The following UQCRB variants were observed in gnomAD, a reference collection of about 807,000 sequenced individuals.
UQCRB encodes the protein cytochrome b-c1 complex subunit 7.
A neutral mutation model predicts 19.8 loss-of-function variants in UQCRB; 12 were observed. That is an observed-to-expected ratio of 0.61 (90% CI 0.39 to 0.98). The LOEUF (loss-of-function observed/expected upper bound fraction) is 0.98. Ranked by LOEUF, UQCRB falls within the 50% of genes least tolerant of loss-of-function variation. UQCRB has a pLI of 0.00. For synonymous variants in UQCRB, 39 were observed against 42.9 expected, an observed-to-expected ratio of 0.91 and a Z score of 0.35; for missense variants, 142 against 131.8, an observed-to-expected ratio of 1.08 and a Z score of -0.38.
rs530094010 is a variant in UQCRB at position 96,226,357 on chromosome 8, G to A, written c.*4698C>T. The stretch of plus-strand genomic sequence containing the variant: ...TATTAGTTCATCCCAACAATAAAGA[G>A]CGTAAGTTAAATCACAGACCCAGAA... On this transcript the variant is annotated 3_prime_UTR_variant, in exon 4 of 4. Coordinates refer to ENST00000287022, the MANE Select transcript of UQCRB (RefSeq NM_006294.5). 3.2e-4 allele frequency: 53 copies of A among 163,708 alleles called. No homozygotes were observed. The highest frequency in any genetic ancestry group is 5.4e-4 in the Non-Finnish European group (41 of 75,916). 10.1% of individuals were successfully genotyped at this position (163,708 alleles called of 1,614,324 possible).
chr8:96,234,356 A>G, intron 1 of UQCRB: 1 of 443,460 alleles, frequency 2.3e-6, no homozygotes, highest in South Asian at 1.8e-5. Flanking sequence ...ACACTTTCCT[A>G]TTTGCTTTAC....
At position 96,229,382 on chromosome 8, in the gene UQCRB, C is replaced by A; in HGVS notation, c.*1673G>T. 2.2e-6 allele frequency: 1 copy of A among 454,056 alleles called. No individual in the cohort carries two copies. The allele number at this position is 454,056 out of a possible 1,614,324, so 28.1% of individuals were successfully genotyped here. On this transcript the variant is annotated 3_prime_UTR_variant, in exon 4 of 4. Transcript: ENST00000287022. ...ATAAGCATGGTTTCTAGGGTCAGAG[C>A]CCAGCCTCCCTCCACCCACCCGGCT...
rs1447317343 is a variant in UQCRB, at chr8:96,228,054, C to T, written c.*3001G>A. ...GGGTCTGAAGGCCCGACATCCCTTA[C>T]GCTGCTTCCTACATCTTGACAACAG... On this transcript the variant is annotated 3_prime_UTR_variant, in exon 4 of 4. Transcript: ENST00000287022. 3.3e-5 allele frequency: 15 copies of T among 453,982 alleles called. No individual in the cohort carries two copies. Among genetic ancestry groups the T allele is most frequent in the Non-Finnish European group, 5.3e-5 (12 of 226,792 alleles). 28.1% of individuals were successfully genotyped at this position (453,982 alleles called of 1,614,324 possible). A position where few individuals can be genotyped will look rare whatever the true frequency, so the allele number is the denominator to read the frequency against.
At position 96,230,661 on chromosome 8, in the gene UQCRB, A is replaced by G. The variant is rs144200076; in HGVS notation, c.*394T>C. 1,983 of 462,492 alleles carry G rather than the reference A, an allele frequency of 4.3e-3. 38 individuals are homozygous for G. The highest frequency in any genetic ancestry group is 0.036 in the African/African-American group (1,824 of 50,500). 28.6% of individuals were successfully genotyped at this position (462,492 alleles called of 1,614,324 possible). ...GATGCAAAATCAAATCTGTTTGCAT[A>G]CCAGTGAAGAGGCTATTTCTCAATC... On this transcript the variant is annotated 3_prime_UTR_variant, in exon 4 of 4. Transcript: ENST00000287022.
chr8:96,234,491 C>T (rs1283326357), intron 1 of UQCRB: 1 of 1,288,948 alleles, frequency 7.8e-7, no homozygotes, highest in East Asian at 5.5e-5. Context: ...AGTTCCCAAA[C>T]ACGCACAGAA....
chr8:96,232,086 A>C (rs1374734190), intron 2 of UQCRB, 146 bp from the exon 3 acceptor site: 2 of 757,090 alleles, frequency 2.6e-6, no homozygotes, highest in Admixed American at 4.7e-5. Flanking sequence ...AATTCAATGC[A>C]TTTCATACAT....
In UQCRB at chr8:96,227,704, G is replaced by A; in HGVS notation, c.*3351C>T. ...TTTAAAACTCCATCCTATTTGTGAA[G>A]GATTATTACTTTGGGCTTTGGCCCA... On this transcript the variant is annotated 3_prime_UTR_variant, in exon 4 of 4. Coordinates refer to ENST00000287022, the MANE Select transcript of UQCRB (RefSeq NM_006294.5). 1 of 453,654 alleles carries A rather than the reference G, an allele frequency of 2.2e-6. No individual in the cohort carries two copies. Among genetic ancestry groups the A allele is most frequent in the South Asian group, 1.6e-5 (1 of 64,406 alleles). 28.1% of individuals were successfully genotyped at this position (453,654 alleles called of 1,614,324 possible). A position where few individuals can be genotyped will look rare whatever the true frequency, so the allele number is the denominator to read the frequency against.
intron 1 of UQCRB, chr8:96,234,578 C>T (rs1052837270): frequency 5.2e-6 from 6 of 1,163,952 alleles, no homozygotes; most frequent in Non-Finnish European, 6.9e-6. Flanking sequence ...GTCTCCCCCA[C>T]CCCCAAAAAG....
rs747742987 is a variant in UQCRB, at chr8:96,224,897, T to G, written c.*6158A>C. Among the ~76,000 whole-genome samples the G allele has an allele frequency of 1.3e-5, 2 of 152,180 alleles. No homozygotes were observed. Among genetic ancestry groups the G allele is most frequent in the Non-Finnish European group, 2.9e-5 (2 of 68,036 alleles). ...CACAGAGGAGAGGACTGAGAGTTTG[T>G]ACTACATAAAAATCAGAAACTTCCA... On this transcript the variant is annotated 3_prime_UTR_variant, in exon 4 of 4. Transcript: ENST00000287022.
rs7014324 is a variant in UQCRB, at chr8:96,223,583, T to C, written c.*7472A>G. Among the ~76,000 whole-genome samples, 1 of 152,042 alleles carries C rather than the reference T, an allele frequency of 6.6e-6. No individual in the cohort carries two copies. Among genetic ancestry groups the C allele is most frequent in the Admixed American group, 6.5e-5 (1 of 15,280 alleles). ...AAATAGAAATGTCAAGTGCCTGGGG[T>C]TGACAAAGAGCTTCTCTCAGTAGGC... On this transcript the variant is annotated 3_prime_UTR_variant, in exon 4 of 4. Transcript: ENST00000287022.
At chr8:96,233,065 C>T (rs1809712317) in intron 2 of UQCRB, 91 bp downstream of exon 2, 2 of 1,231,028 alleles carry the variant, frequency 1.6e-6, no homozygotes, top group Non-Finnish European at 2.3e-6. Flanking sequence ...ACCACAGTAA[C>T]ACTTGCAAAA....
Position 96,229,476 on chromosome 8 carries a change from A to T in UQCRB, c.*1579T>A. 2.2e-6 allele frequency: 1 copy of T among 454,126 alleles called. No individual in the cohort carries two copies. Among genetic ancestry groups the T allele is most frequent in the South Asian group, 1.6e-5 (1 of 64,484 alleles). The allele number at this position is 454,126 out of a possible 1,614,324, so 28.1% of individuals were successfully genotyped here. On this transcript the variant is annotated 3_prime_UTR_variant, in exon 4 of 4. Transcript: ENST00000287022. ...GTCTCCTTGTAATTGTGCACAGTAG[A>T]CGTCTGAACGAATAGACCAGAGTCC...
In UQCRB at chr8:96,235,337, C is replaced by T. The variant is rs1018282078; in HGVS notation, c.19+175G>A. On this transcript the variant is annotated intron_variant, in intron 1 of 3. Transcript: ENST00000287022. ...CCCAACCCTATACAGGCAAGCCCGC[C>T]CTGGGGACAGCAAACGAGTGGGGAA... The T allele has an allele frequency of 9.2e-6, 9 of 973,364 alleles. No homozygotes were observed. In the African/African-American group the frequency reaches 1.3e-4, roughly 14 times the overall value. The allele number at this position is 973,364 out of a possible 1,614,324, so 60.3% of individuals were successfully genotyped here.
intron 3 of UQCRB, 87 bp downstream of exon 3, chr8:96,231,687 T>A (rs1809678863): frequency 6.4e-7 from 1 of 1,572,244 alleles, no homozygotes; most frequent in Non-Finnish European, 8.7e-7. Flanking sequence ...CAGAGAACTC[T>A]AACACTATGC....
In UQCRB at chr8:96,234,838, C is replaced by CAA. The variant is rs4021437; in HGVS notation, c.19+672_19+673dup. 879 of 111,784 alleles carry CAA rather than the reference C, an allele frequency of 7.9e-3. 8 individuals carry two copies. The highest frequency in any genetic ancestry group is 0.028 in the African/African-American group (760 of 27,090). 6.9% of individuals were successfully genotyped at this position (111,784 alleles called of 1,614,324 possible). A position where few individuals can be genotyped will look rare whatever the true frequency, so the allele number is the denominator to read the frequency against. On this transcript the variant is annotated intron_variant, in intron 1 of 3. Coordinates refer to ENST00000287022, the MANE Select transcript of UQCRB (RefSeq NM_006294.5). Reference sequence around the variant, plus strand: ...TGTACCGCCAGAGGGCAGAGATTAGCAAAAAAAAAAAAAAAGAAAGAAAAA... The same window carrying CAA: ...TGTACCGCCAGAGGGCAGAGATTAGCAAAAAAAAAAAAAAAAAGAAAGAAAAA...
In UQCRB at chr8:96,223,287, A is replaced by T. The variant is rs1319776552; in HGVS notation, c.*7768T>A. ...TTTGTATCAAAACATCATGCTGTAC[A>T]CCTTAAATAAAAAAGAAAAGACAAC... On this transcript the variant is annotated 3_prime_UTR_variant, in exon 4 of 4. Coordinates refer to ENST00000287022, the MANE Select transcript of UQCRB (RefSeq NM_006294.5). Among the ~76,000 whole-genome samples, 2 of 152,208 alleles carry T rather than the reference A, an allele frequency of 1.3e-5. No individual in the cohort carries two copies. The highest frequency in any genetic ancestry group is 2.9e-5 in the Non-Finnish European group (2 of 68,036).
In UQCRB at chr8:96,224,802, C is replaced by T. The variant is rs1040246450; in HGVS notation, c.*6253G>A. ...TTATACCTAAAAGTACTGGATGAAACCTTGCTGGATATTTATGAAAACTTG... is the reference window on the plus strand; with the variant it reads ...TTATACCTAAAAGTACTGGATGAAATCTTGCTGGATATTTATGAAAACTTG... On this transcript the variant is annotated 3_prime_UTR_variant, in exon 4 of 4. Coordinates refer to ENST00000287022, the MANE Select transcript of UQCRB (RefSeq NM_006294.5). Among the ~76,000 whole-genome samples, 1 of 152,146 alleles carries T rather than the reference C, an allele frequency of 6.6e-6. No individual in the cohort carries two copies. The highest frequency in any genetic ancestry group is 1.9e-4 in the East Asian group (1 of 5,196).
Position 96,231,091 on chromosome 8 carries a change from C to G in UQCRB, c.300G>C (p.Arg100=). ...YLEPYLKEVI[R]ERKEREEWAK... ...CCCATTCTTCTCTTTCTTTTCTTTC[C>G]CGAATAACCTCTTTCAGATACGGTT... The change falls in exon 4 of 4, where the codon CGG becomes CGC. Residue 100 remains arginine (R), a synonymous_variant. Coordinates refer to ENST00000287022, the MANE Select transcript of UQCRB (RefSeq NM_006294.5). 6.2e-7 allele frequency: 1 copy of G among 1,613,852 alleles called. No homozygotes were observed. Among genetic ancestry groups the G allele is most frequent in the African/African-American group, 1.3e-5 (1 of 75,002 alleles).
rs2129762621 is a variant in UQCRB, at chr8:96,223,593, G to A, written c.*7462C>T. ...GTCAAGTGCCTGGGGTTGACAAAGAGCTTCTCTCAGTAGGCAGAATTTAAT... is the reference window on the plus strand; with the variant it reads ...GTCAAGTGCCTGGGGTTGACAAAGAACTTCTCTCAGTAGGCAGAATTTAAT... On this transcript the variant is annotated 3_prime_UTR_variant, in exon 4 of 4. Transcript: ENST00000287022. Among the ~76,000 whole-genome samples the A allele has an allele frequency of 6.6e-6, 1 of 152,308 alleles. No homozygotes were observed. The highest frequency in any genetic ancestry group is 3.4e-3 in the Middle Eastern group (1 of 294).
Sources: allele counts gnomAD v4.1 joint callset (sites outside exome capture counted in the v4.1 genomes callset), GRCh38; gene constraint gnomAD v4.1.1; transcripts MANE v1.5; gene names NCBI Gene and HGNC (gene_info 2026-07-23, HGNC 2026-07-21).